Variants in TICRR observed in about 807,000 individuals in gnomAD.
The protein encoded by TICRR is TOPBP1 interacting checkpoint and replication regulator.
Under a neutral mutation model 178.1 loss-of-function variants are expected in TICRR, and 132 were observed. The ratio of observed to expected loss-of-function variants is 0.74; its 90% CI spans 0.64 to 0.86. TICRR has a LOEUF of 0.86. TICRR is among the 40% of genes least tolerant of loss of function. The pLI is 0.00. For synonymous variants in TICRR, 991 were observed against 900.7 expected (o/e 1.10, Z -1.79); for missense variants, 2,587 against 2,334.3 (o/e 1.11, Z -2.23).
At chr15:89,617,423 A>G (rs1198313538) in intron 16 of TICRR, among the ~76,000 whole-genome samples, 2 of 152,184 alleles carry the variant, frequency 1.3e-5, no homozygotes, top group Non-Finnish European at 2.9e-5. Context: ...TGATAGTCTG[A>G]TAGTTTGGTA....
chr15:89,619,563 C>T lies in TICRR; in HGVS notation c.3020-145C>T, dbSNP rs1387147591. 24 of 797,618 alleles carry T rather than the reference C, an allele frequency of 3.0e-5. No homozygotes were observed. In the South Asian group the frequency reaches 4.1e-4, roughly 14 times the overall value. The allele number at this position is 797,618 out of a possible 1,614,324, so 49.4% of individuals were successfully genotyped here. On this transcript the variant is annotated intron_variant, in intron 17 of 21. Transcript: ENST00000268138. ...ACCCCTCTTAGTTTGTTAAGAGACA[C>T]TTCAGAAGTCTCTTAAAGCTAATAG...
intron 15 of TICRR, among the ~76,000 whole-genome samples, chr15:89,612,947 A>T (rs1963276659): frequency 6.6e-6 from 1 of 152,226 alleles, no homozygotes; most frequent in African/African-American, 2.4e-5. Context: ...ATTACTTTGT[A>T]TTTTAAATAA....
intron 7 of TICRR, among the ~76,000 whole-genome samples, chr15:89,597,645 T>G (rs1373944855): frequency 6.6e-6 from 1 of 152,218 alleles, no homozygotes; most frequent in Admixed American, 6.5e-5. Flanking sequence ...TACTGTAGCT[T>G]TATAGTAAGT....
At chr15:89,600,302 G>A (rs1963072361) in intron 8 of TICRR, among the ~76,000 whole-genome samples, 1 of 152,140 alleles carries the variant, frequency 6.6e-6, no homozygotes, top group African/African-American at 2.4e-5. Flanking sequence ...AGGAGGATTT[G>A]TTTATGATAC....
Position 89,624,011 on chromosome 15 carries a change from C to G in TICRR, c.3701C>G (p.Ala1234Gly), listed in dbSNP as rs1455471028. 42 of 1,613,894 alleles carry G rather than the reference C, an allele frequency of 2.6e-5. No homozygotes were observed. The highest frequency in any genetic ancestry group is 3.6e-5 in the Non-Finnish European group (42 of 1,180,012). Residue 1234 changes from alanine (A) to glycine (G), a missense_variant, in exon 20 of 22, where the codon GCC (alanine) becomes GGC (glycine). Ala to Gly is a moderately conservative substitution (Grantham distance 60). Transcript: ENST00000268138. The part of the protein sequence containing the change: ...SCPAPPTSST[A>G]QPRRECLTPI... The stretch of plus-strand genomic sequence containing the variant: ...CCAGCCCCTCCAACTTCATCGACTG[C>G]CCAGCCCAGGAGAGAGTGTCTCACT...
intron 21 of TICRR, 133 bp downstream of exon 21, chr15:89,626,194 C>T (rs578116639): frequency 9.7e-6 from 9 of 930,078 alleles, no homozygotes; most frequent in African/African-American, 6.8e-5. Context: ...GCGCCTACAG[C>T]GTCATGTGTG....
chr15:89,585,444 G>A (rs757128154), intron 3 of TICRR, among the ~76,000 whole-genome samples: 3 of 152,254 alleles, frequency 2.0e-5, no homozygotes, highest in African/African-American at 2.4e-5. Context: ...ACCTCAGGGC[G>A]ATTGTGAGGA....
rs759359181 is a variant in TICRR at position 89,621,449 on chromosome 15, G to C, written c.3211G>C (p.Gly1071Arg). 1 of 1,613,766 alleles carries C rather than the reference G, an allele frequency of 6.2e-7. No individual in the cohort carries two copies. Among genetic ancestry groups the C allele is most frequent in the South Asian group, 1.1e-5 (1 of 91,010 alleles). Residue 1071 changes from glycine to arginine, a missense_variant, in exon 19 of 22, where the codon GGG (glycine) becomes CGG (arginine). Gly to Arg is a moderately radical substitution (Grantham distance 125). Transcript: ENST00000268138. Reference protein sequence around the residue: ...SIRSPKSLLFGAMSEMISPSE... With the variant: ...SIRSPKSLLFRAMSEMISPSE... ...TCGGTCTCCCAAGAGTCTTCTTTTT[G>C]GGGCAATGTCTGAGATGATCAGCCC...
intron 18 of TICRR, 118 bp downstream of exon 18, chr15:89,619,960 T>A: frequency 7.9e-7 from 1 of 1,266,128 alleles, no homozygotes; most frequent in Non-Finnish European, 1.1e-6. Context: ...GTAGAATAGG[T>A]ATGTCTAGTT....
chr15:89,601,731 C>G lies in TICRR; in HGVS notation c.2328-6C>G, dbSNP rs1443570500. Reference sequence around the variant, plus strand: ...CTGTTCCGTATTCGATCAATCTGTTCCACAGGTATATTGACTCTATCCCAA... The same window carrying G: ...CTGTTCCGTATTCGATCAATCTGTTGCACAGGTATATTGACTCTATCCCAA... On this transcript the variant is annotated splice_polypyrimidine_tract_variant and splice_region_variant and intron_variant, in intron 11 of 21. Coordinates refer to ENST00000268138, the MANE Select transcript of TICRR (RefSeq NM_152259.4). The G allele has an allele frequency of 6.2e-7, 1 of 1,613,918 alleles. No individual in the cohort carries two copies. Among genetic ancestry groups the G allele is most frequent in the African/African-American group, 1.3e-5 (1 of 74,894 alleles).
chr15:89,600,437 AAAG>A lies in TICRR; in HGVS notation c.2053-142_2053-140del, dbSNP rs544806651. 9.3e-4 allele frequency: 420 copies of A among 449,906 alleles called. 2 individuals carry two copies. Among genetic ancestry groups the A allele is most frequent in the South Asian group, 2.7e-3 (54 of 19,646 alleles). 27.9% of individuals were successfully genotyped at this position (449,906 alleles called of 1,614,324 possible). Reference sequence around the variant, plus strand: ...TTACCATGTTCTTTTTAAAGATATAAAAGAAGAATATTCACGTCACTTTTTCAT... The same window carrying A: ...TTACCATGTTCTTTTTAAAGATATAAAAGAATATTCACGTCACTTTTTCAT... On this transcript the variant is annotated intron_variant, in intron 8 of 21. Coordinates refer to ENST00000268138, the MANE Select transcript of TICRR (RefSeq NM_152259.4).
intron 4 of TICRR, among the ~76,000 whole-genome samples, chr15:89,589,905 CA>C (rs905866790): frequency 1.3e-5 from 2 of 151,956 alleles, no homozygotes; most frequent in African/African-American, 4.8e-5. Flanking sequence ...CGCTTGAGCC[CA>C]GGAGTCCAAG....
chr15:89,609,579 C>T (rs1350745497), intron 15 of TICRR, among the ~76,000 whole-genome samples: 3 of 151,950 alleles, frequency 2.0e-5, no homozygotes, highest in Non-Finnish European at 2.9e-5. Flanking sequence ...GGTTCAAGCG[C>T]TTCTCCTACC....
Position 89,599,409 on chromosome 15 carries a change from A to T in TICRR, c.1986A>T (p.Ala662=), listed in dbSNP as rs750564968. 2 of 1,613,932 alleles carry T rather than the reference A, an allele frequency of 1.2e-6. No individual in the cohort carries two copies. Among genetic ancestry groups the T allele is most frequent in the Non-Finnish European group, 1.7e-6 (2 of 1,179,954 alleles). Reference sequence around the variant, plus strand: ...CCACAGGAGAAATCATGTTGTATGCATGTGCTCGAAACATGATCTCAACCG... The same window carrying T: ...CCACAGGAGAAATCATGTTGTATGCTTGTGCTCGAAACATGATCTCAACCG... The part of the protein sequence containing the change: ...TVATGEIMLY[A]CARNMISTVK... The change falls in exon 8 of 22, where the codon GCA becomes GCT. Residue 662 remains alanine, a synonymous_variant. Transcript: ENST00000268138.
At chr15:89,599,742 G>T (rs1963062072) in intron 8 of TICRR, among the ~76,000 whole-genome samples, 1 of 152,166 alleles carries the variant, frequency 6.6e-6, no homozygotes, top group South Asian at 2.1e-4. Context: ...TGAGCTATAT[G>T]TTAGCTGCAT....
At chr15:89,586,046 AAC>A (rs1962817850) in intron 4 of TICRR, 104 bp downstream of exon 4, 2 of 730,522 alleles carry the variant, frequency 2.7e-6, no homozygotes, top group Non-Finnish European at 4.6e-6. Context: ...AATATGTTAT[AAC>A]ACAGATGAAA....
rs1567053566 is a variant in TICRR at position 89,624,900 on chromosome 15, T to TGGGAGACAG, written c.4591_4599dup (p.Gly1531_Gln1533dup). On this transcript the variant is annotated inframe_insertion, in exon 20 of 22. Transcript: ENST00000268138. The stretch of plus-strand genomic sequence containing the variant: ...CCCGTGACGTGCACTGTACCACAGA[T>TGGGAGACAG]GGGAGACAGTGCCAGGCTTCGGCAC... 6.2e-7 allele frequency: 1 copy of TGGGAGACAG among 1,614,098 alleles called. No individual in the cohort carries two copies. Among genetic ancestry groups the TGGGAGACAG allele is most frequent in the Non-Finnish European group, 8.5e-7 (1 of 1,180,018 alleles).
intron 2 of TICRR, among the ~76,000 whole-genome samples, chr15:89,583,645 T>G (rs562855293): frequency 6.6e-6 from 1 of 152,316 alleles, no homozygotes; most frequent in Non-Finnish European, 1.5e-5. Context: ...TGGTGTCTTC[T>G]TTCTTATAAG....
chr15:89,581,037 A>G (rs894316406), intron 1 of TICRR, among the ~76,000 whole-genome samples: 6 of 152,192 alleles, frequency 3.9e-5, no homozygotes, highest in Non-Finnish European at 8.8e-5. Flanking sequence ...TCCTGTCTCA[A>G]AAAATAAAAA....
Sources: allele counts gnomAD v4.1 joint callset (sites outside exome capture counted in the v4.1 genomes callset), GRCh38; gene constraint gnomAD v4.1.1; transcripts MANE v1.5; gene names NCBI Gene and HGNC (gene_info 2026-07-23, HGNC 2026-07-21).